USP15: variants seen among roughly 807,000 people sequenced by gnomAD.
The protein encoded by USP15 is ubiquitin carboxyl-terminal hydrolase 15.
A neutral mutation model predicts 127.1 loss-of-function variants in USP15; 18 were observed. The observed-to-expected ratio is 0.14, with a 90% CI of 0.10 to 0.21. USP15 has a LOEUF of 0.21. USP15 is among the 10% of genes least tolerant of loss of function. The pLI, the probability that USP15 is intolerant of heterozygous loss-of-function variation, is 1.00. For missense variants in USP15, 805 were observed against 1,159.9 expected, an observed-to-expected ratio of 0.69 and a Z score of 4.44; for synonymous variants, 364 against 393.7, an observed-to-expected ratio of 0.92 and a Z score of 0.89.
chr12:62,331,625 T>G (rs1483512656), intron 6 of USP15, among the ~76,000 whole-genome samples: 1 of 152,212 alleles, frequency 6.6e-6, no homozygotes, highest in East Asian at 1.9e-4. Context: ...TACTTAGTGC[T>G]CTGATGTCCT....
Position 62,414,771 on chromosome 12 carries a change from T to C in USP15, c.*10396T>C, listed in dbSNP as rs775091. The C allele has an allele frequency of 3.3e-5, 5 of 151,858 alleles. No homozygotes were observed. Among genetic ancestry groups the C allele is most frequent in the African/African-American group, 4.8e-5 (2 of 41,332 alleles). 9.4% of individuals were successfully genotyped at this position (151,858 alleles called of 1,614,324 possible). ...TTACATCTGGCTGGCAGTCCCTTCCTACTTCAGTCCATTATCCTGCTACCA... is the reference window on the plus strand; with the variant it reads ...TTACATCTGGCTGGCAGTCCCTTCCCACTTCAGTCCATTATCCTGCTACCA... On this transcript the variant is annotated 3_prime_UTR_variant, in exon 22 of 22. Transcript: ENST00000280377.
rs879274224 is a variant in USP15 at position 62,406,258 on chromosome 12, A to G, written c.*1883A>G. 3 of 152,092 alleles carry G rather than the reference A, an allele frequency of 2.0e-5. No individual in the cohort carries two copies. The highest frequency in any genetic ancestry group is 4.8e-5 in the African/African-American group (2 of 41,420). 9.4% of individuals were successfully genotyped at this position (152,092 alleles called of 1,614,324 possible). A position where few individuals can be genotyped will look rare whatever the true frequency, so the allele number is the denominator to read the frequency against. ...ATGTCAGAGCAAAATGAATCCTACT[A>G]TTAAGGACGTTTTAAAGTTGATTTT... On this transcript the variant is annotated 3_prime_UTR_variant, in exon 22 of 22. Coordinates refer to ENST00000280377, the MANE Select transcript of USP15 (RefSeq NM_001252078.2).
chr12:62,279,347 T>C (rs2063585438), intron 1 of USP15, among the ~76,000 whole-genome samples: 2 of 152,170 alleles, frequency 1.3e-5, no homozygotes, highest in Non-Finnish European at 2.9e-5. Flanking sequence ...TCAGGCTAAA[T>C]AGTACTCCAT....
At chr12:62,307,708 A>G (rs1282375176) in intron 3 of USP15, among the ~76,000 whole-genome samples, 4 of 152,148 alleles carry the variant, frequency 2.6e-5, no homozygotes, top group African/African-American at 9.7e-5. Context: ...ATCCCACTCC[A>G]TGTCCTCCCC....
At chr12:62,342,978 C>T (rs2065692881) in intron 6 of USP15, among the ~76,000 whole-genome samples, 1 of 152,308 alleles carries the variant, frequency 6.6e-6, no homozygotes, top group South Asian at 2.1e-4. Flanking sequence ...TCAGAGCCAG[C>T]AGCCAGGAAA....
rs1592708063 is a variant in USP15 at position 62,383,728 on chromosome 12, A to T, written c.1090-112A>T. 5 of 1,253,692 alleles carry T rather than the reference A, an allele frequency of 4.0e-6. No homozygotes were observed. The East Asian group carries it at 1.2e-4, about 30-fold the overall frequency. 77.7% of individuals were successfully genotyped at this position (1,253,692 alleles called of 1,614,324 possible). ...TTGGGGTTACAAATACATTTTAGAA[A>T]GCAGGCAAATTCACAAATGTGGAAT... On this transcript the variant is annotated intron_variant, in intron 9 of 21. Transcript: ENST00000280377.
At chr12:62,387,031 G>A (rs1477116436) in intron 11 of USP15, among the ~76,000 whole-genome samples, 2 of 152,130 alleles carry the variant, frequency 1.3e-5, no homozygotes, top group South Asian at 2.1e-4. Flanking sequence ...GAATATATAG[G>A]AAGAACAAGT....
chr12:62,283,850 G>A (rs528025892), intron 1 of USP15, among the ~76,000 whole-genome samples: 3 of 152,276 alleles, frequency 2.0e-5, no homozygotes, highest in African/African-American at 7.2e-5. Flanking sequence ...GCTGAGGCAC[G>A]AGAATTGCTT....
At position 62,383,912 on chromosome 12, in the gene USP15, C is replaced by T. The variant is rs2067064752; in HGVS notation, c.1162C>T (p.Leu388=). The T allele has an allele frequency of 6.2e-7, 1 of 1,612,850 alleles. No homozygotes were observed. The highest frequency in any genetic ancestry group is 1.3e-5 in the African/African-American group (1 of 74,946). Residue 388 remains leucine (L), a synonymous_variant, in exon 10 of 22, where the codon CTA becomes TTA. Coordinates refer to ENST00000280377, the MANE Select transcript of USP15 (RefSeq NM_001252078.2). ...QQDCQELLAF[L]LDGLHEDLNR... ...AGACTGTCAAGAACTGTTAGCTTTC[C>T]TATTAGATGGATTACATGAGGATTT... is the stretch of plus-strand genomic sequence containing the variant.
chr12:62,293,705 T>A (rs990913012), intron 1 of USP15, among the ~76,000 whole-genome samples: 3 of 152,214 alleles, frequency 2.0e-5, no homozygotes, highest in Non-Finnish European at 2.9e-5. Flanking sequence ...ATGTCTTTAG[T>A]CAGCCATCTT....
chr12:62,308,465 G>T (rs2137223908), intron 3 of USP15, among the ~76,000 whole-genome samples: 1 of 152,134 alleles, frequency 6.6e-6, no homozygotes, highest in African/African-American at 2.4e-5. Context: ...CTTAATGGAT[G>T]CCTGTACTTC....
Position 62,391,862 on chromosome 12 carries a change from A to T in USP15, c.2280A>T (p.Arg760Ser), listed in dbSNP as rs1401126420. 2 of 1,610,334 alleles carry T rather than the reference A, an allele frequency of 1.2e-6. No individual in the cohort carries two copies. Among genetic ancestry groups the T allele is most frequent in the Non-Finnish European group, 1.7e-6 (2 of 1,178,022 alleles). The change falls in exon 17 of 22, where the codon AGA becomes AGT. Residue 760 changes from arginine (R) to serine (S), a missense_variant. Transcript: ENST00000280377. Reference protein sequence around the residue: ...ALDWDPDLKKRYFDENAAEDF... With the variant: ...ALDWDPDLKKSYFDENAAEDF... ...ATTGGGATCCTGATTTGAAAAAAAG[A>T]TATTTTGATGAAAATGCTGCTGAGG...
chr12:62,360,642 T>G (rs1421350103), intron 8 of USP15, among the ~76,000 whole-genome samples: 1 of 152,094 alleles, frequency 6.6e-6, no homozygotes, highest in African/African-American at 2.4e-5. Flanking sequence ...TAGTTTTATT[T>G]AAATTACCAA....
At chr12:62,287,797 T>C (rs1397686309) in intron 1 of USP15, among the ~76,000 whole-genome samples, 1 of 152,196 alleles carries the variant, frequency 6.6e-6, no homozygotes, top group African/African-American at 2.4e-5. Context: ...CCAGTTTCAT[T>C]CTTCTGCATG....
At chr12:62,391,992 T>C in intron 17 of USP15, 106 bp downstream of exon 17, 1 of 1,165,640 alleles carries the variant, frequency 8.6e-7, no homozygotes, top group Non-Finnish European at 1.2e-6. Flanking sequence ...ACCAAATATG[T>C]TTATTTTGCC....
chr12:62,321,413 T>C, intron 4 of USP15, 51 bp from the exon 5 acceptor site: 3 of 1,178,844 alleles, frequency 2.5e-6, no homozygotes, highest in African/African-American at 3.2e-5. Flanking sequence ...CTGTATGTGG[T>C]ATATTTTGAA....
Position 62,321,444 on chromosome 12 carries a change from T to C in USP15, c.476-20T>C. ...TTGAAATACATACTATATTTATATA[T>C]CTTTCCTCCTTAAATCTAGATACAA... On this transcript the variant is annotated intron_variant, in intron 4 of 21. Transcript: ENST00000280377. 6.8e-7 allele frequency: 1 copy of C among 1,469,828 alleles called. No homozygotes were observed. The highest frequency in any genetic ancestry group is 9.2e-7 in the Non-Finnish European group (1 of 1,083,102). The allele number at this position is 1,469,828 out of a possible 1,614,324, so 91.0% of individuals were successfully genotyped here.
In USP15 at chr12:62,380,571, A is replaced by C. The variant is rs202143957; in HGVS notation, c.916-919A>C. Among the ~76,000 whole-genome samples the C allele has an allele frequency of 3.3e-5, 5 of 152,086 alleles. No homozygotes were observed. In the East Asian group the frequency reaches 9.6e-4, roughly 29 times the overall value. The stretch of plus-strand genomic sequence containing the variant: ...AGTTTCTACTATTTTCCATGCAAGC[A>C]ACTAGCTTCCTTGCAGCACTTTGCC... On this transcript the variant is annotated intron_variant, in intron 8 of 21. Coordinates refer to ENST00000280377, the MANE Select transcript of USP15 (RefSeq NM_001252078.2).
Position 62,389,447 on chromosome 12 carries a change from C to G in USP15, c.1490C>G (p.Pro497Arg). 6.2e-7 allele frequency: 1 copy of G among 1,610,978 alleles called. No individual in the cohort carries two copies. The highest frequency in any genetic ancestry group is 8.5e-7 in the Non-Finnish European group (1 of 1,179,346). The part of the protein sequence containing the change: ...TKPMQYKVVV[P>R]KIGNILDLCT... ...GTTTTTTAGTACAAAGTGGTTGTCCCCAAAATTGGAAACATATTAGATCTT... is the reference window on the plus strand; with the variant it reads ...GTTTTTTAGTACAAAGTGGTTGTCCGCAAAATTGGAAACATATTAGATCTT... The change falls in exon 12 of 22, where the codon CCC (proline) becomes CGC (arginine). Residue 497 changes from proline (P) to arginine (R), a missense_variant. Transcript: ENST00000280377.
Sources: gnomAD v4.1 joint callset for allele counts (sites outside exome capture counted in the v4.1 genomes callset) on GRCh38, gnomAD v4.1.1 for gene constraint, MANE v1.5 for transcripts, NCBI Gene and HGNC (gene_info 2026-07-23, HGNC 2026-07-21) for gene names.